ANXA4: variants seen among roughly 807,000 people sequenced by gnomAD.
The protein encoded by ANXA4 is annexin A4, also known as 35-beta calcimedin.
In ANXA4, 39 loss-of-function variants were observed where a neutral mutation model predicts 49.8. The observed-to-expected ratio is 0.78, with a 90% CI of 0.61 to 1.02. The LOEUF (loss-of-function observed/expected upper bound fraction) is 1.02, where lower values mean the gene tolerates loss of function less well. ANXA4 is among the 50% of genes least tolerant of loss of function. The probability of loss-of-function intolerance (pLI) is 0.00; values close to 1 mark genes in which losing one functional copy is unlikely to be tolerated. For synonymous variants in ANXA4, 134 were observed against 152.5 expected, an observed-to-expected ratio of 0.88 and a Z score of 0.89; for missense variants, 360 against 410.1, an observed-to-expected ratio of 0.88 and a Z score of 1.05.
At chr2:69,659,712 G>C (rs1425925817) in intron 2 of ANXA4, among the ~76,000 whole-genome samples, 1 of 152,194 alleles carries the variant, frequency 6.6e-6, no homozygotes, top group Non-Finnish European at 1.5e-5. Flanking sequence ...CTTGAGGCCA[G>C]GAGCTTGAGA....
At chr2:69,750,167 TGAA>T (rs539306963) in intron 1 of ANXA4, among the ~76,000 whole-genome samples, 13 of 152,030 alleles carry the variant, frequency 8.6e-5, no homozygotes, top group Non-Finnish European at 1.6e-4. Flanking sequence ...ACATTGTTTG[TGAA>T]GAAGGAGAAT....
rs968996324 is a variant in ANXA4, at chr2:69,654,648, G to A, written n.766+1366G>A. Among the ~76,000 whole-genome samples the A allele has an allele frequency of 2.0e-5, 3 of 152,148 alleles. No homozygotes were observed. In the East Asian group the frequency reaches 5.8e-4, roughly 29 times the overall value. ...CAGGGATGAAGCTGACTTGATCATG[G>A]CAGATAAGCTTTTTGATATGCTGCT... is the stretch of plus-strand genomic sequence containing the variant. On this transcript the variant is annotated intron_variant and non_coding_transcript_variant, in intron 2 of 3. Coordinates refer to the ANXA4 transcript ENST00000418066.
At chr2:69,808,188 A>C (rs969652403) in intron 6 of ANXA4, 192 bp downstream of exon 6, 3 of 574,378 alleles carry the variant, frequency 5.2e-6, no homozygotes, top group African/African-American at 3.8e-5. Flanking sequence ...AAGATTTCTC[A>C]GGTGAAGATG....
chr2:69,727,063 T>C (rs1258554059), intron 3 of ANXA4, among the ~76,000 whole-genome samples: 1 of 152,076 alleles, frequency 6.6e-6, no homozygotes, highest in Non-Finnish European at 1.5e-5. Context: ...TTTTAGACAC[T>C]GGCTCTCCCT....
chr2:69,659,116 A>G (rs1219757189), intron 2 of ANXA4, among the ~76,000 whole-genome samples: 1 of 152,204 alleles, frequency 6.6e-6, no homozygotes, highest in Non-Finnish European at 1.5e-5. Flanking sequence ...AATCAGAGTT[A>G]CTTTGTGAAA....
At chr2:69,736,750 G>A (rs1168982268) in intron 3 of ANXA4, among the ~76,000 whole-genome samples, 1 of 152,158 alleles carries the variant, frequency 6.6e-6, no homozygotes, top group South Asian at 2.1e-4. Flanking sequence ...TAATTTGTAT[G>A]TGTATGAGAA....
At chr2:69,667,347 A>G (rs1676975221) in intron 2 of ANXA4, among the ~76,000 whole-genome samples, 1 of 152,196 alleles carries the variant, frequency 6.6e-6, no homozygotes, top group Non-Finnish European at 1.5e-5. Context: ...AGCTATTGAA[A>G]AAAAGAAAGA....
chr2:69,674,693 A>T (rs1303169694), intron 2 of ANXA4, among the ~76,000 whole-genome samples: 1 of 152,148 alleles, frequency 6.6e-6, no homozygotes, highest in South Asian at 2.1e-4. Context: ...TTAAGATTCA[A>T]ATTGGGTAAG....
chr2:69,747,052 A>G (rs1178988405), intron 1 of ANXA4, among the ~76,000 whole-genome samples: 1 of 151,852 alleles, frequency 6.6e-6, no homozygotes, highest in African/African-American at 2.4e-5. Context: ...GAAATAACTA[A>G]CCCTTGAGGC....
At chr2:69,815,395 A>G (rs1313855397) in intron 8 of ANXA4, 1 of 152,276 alleles carries the variant, frequency 6.6e-6, no homozygotes, top group Non-Finnish European at 1.5e-5. Flanking sequence ...GGTAAGCCCA[A>G]TGAGCCACAA....
chr2:69,670,454 A>G (rs1677133155), intron 2 of ANXA4, among the ~76,000 whole-genome samples: 1 of 151,652 alleles, frequency 6.6e-6, no homozygotes, highest in Admixed American at 6.6e-5. Flanking sequence ...AAAAAAAAAA[A>G]AAAAAGACAA....
upstream of ANXA4, among the ~76,000 whole-genome samples, chr2:69,739,032 G>A: frequency 6.6e-6 from 1 of 152,138 alleles, no homozygotes; most frequent in Non-Finnish European, 1.5e-5. Flanking sequence ...CCATTCCAGA[G>A]AGCCACTGCA....
rs554671605 is a variant in ANXA4 at position 69,792,042 on chromosome 2, T to G, written c.97+3901T>G. On this transcript the variant is annotated intron_variant, in intron 3 of 12. Transcript: ENST00000394295. ...CATCATTTTGGCAATTTTATGTACC[T>G]CAACATGTTAAATAATACTGTTTAC... 2.1e-4 allele frequency among the ~76,000 whole-genome samples: 32 copies of G among 152,290 alleles called. No homozygotes were observed. In the East Asian group the frequency reaches 5.0e-3, roughly 24 times the overall value.
At chr2:69,654,202 T>C (rs1026977762) in intron 2 of ANXA4, among the ~76,000 whole-genome samples, 2 of 152,228 alleles carry the variant, frequency 1.3e-5, no homozygotes, top group African/African-American at 4.8e-5. Flanking sequence ...AATGGGGTTT[T>C]CTAAATATAC....
Position 69,820,725 on chromosome 2 carries a change from C to CA in ANXA4, c.811dup (p.Ile271AsnfsTer11). On this transcript the variant is annotated frameshift_variant, in exon 12 of 13. Transcript: ENST00000394295. LOFTEE classifies it high-confidence loss of function. ...GCTTGGGCACCGATGATAACACCCTCATCAGAGTGATGGTTTCTCGAGCAG... is the reference window on the plus strand; with the variant it reads ...GCTTGGGCACCGATGATAACACCCTCAATCAGAGTGATGGTTTCTCGAGCAG... The CA allele has an allele frequency of 6.2e-7, 1 of 1,614,110 alleles. No homozygotes were observed. Among genetic ancestry groups the CA allele is most frequent in the Non-Finnish European group, 8.5e-7 (1 of 1,179,984 alleles).
At chr2:69,788,289 C>T in intron 3 of ANXA4, 148 bp downstream of exon 3, 1 of 695,112 alleles carries the variant, frequency 1.4e-6, no homozygotes, top group Non-Finnish European at 2.4e-6. Flanking sequence ...CCTGTCATCT[C>T]AGCACTTTGG....
intron 2 of ANXA4, among the ~76,000 whole-genome samples, chr2:69,698,221 T>G (rs1055397718): frequency 1.3e-5 from 2 of 152,214 alleles, no homozygotes; most frequent in South Asian, 2.1e-4. Flanking sequence ...ATGAGGGTTC[T>G]GCTCATTCAT....
At chr2:69,744,563 A>G (rs1324793450) in intron 1 of ANXA4, among the ~76,000 whole-genome samples, 1 of 152,170 alleles carries the variant, frequency 6.6e-6, no homozygotes, top group Non-Finnish European at 1.5e-5. Context: ...AGGGCTACTT[A>G]TGGAGGCAGT....
chr2:69,819,195 G>GAA, intron 10 of ANXA4, 85 bp from the exon 11 acceptor site: 1 of 992,006 alleles, frequency 1.0e-6, no homozygotes, highest in Non-Finnish European at 1.5e-6. Flanking sequence ...ATACCTTGTA[G>GAA]AAACAGAGGA....
Sources: allele counts gnomAD v4.1 joint callset (sites outside exome capture counted in the v4.1 genomes callset), GRCh38; gene constraint gnomAD v4.1.1; transcripts MANE v1.5; gene names NCBI Gene and HGNC (gene_info 2026-07-23, HGNC 2026-07-21).